The following EFNB1 variants were observed in gnomAD, a reference collection of about 807,000 sequenced individuals.
EFNB1 encodes ephrin B1, also known as ephrin-B1.
A neutral mutation model predicts 18.1 loss-of-function variants in EFNB1; 1 was observed. That is an observed-to-expected ratio of 0.06 (90% CI 0.02 to 0.26). EFNB1 has a LOEUF of 0.26. EFNB1 is among the 10% of genes least tolerant of loss of function. EFNB1 has a pLI of 1.00. For missense variants in EFNB1, 221 were observed against 301.8 expected (o/e 0.73, Z 1.98); for synonymous variants, 131 against 127.5 (o/e 1.03, Z -0.19).
chrX:68,832,857 G>C (rs2080450397), intron 1 of EFNB1, among the ~76,000 whole-genome samples: 1 of 101,740 alleles, frequency 9.8e-6, no homozygotes, highest in African/African-American at 4.1e-5. Context: ...TTGGGGGGCT[G>C]TTATCTAAAT....
chrX:68,838,911 C>T lies in EFNB1; in HGVS notation c.406+17C>T, dbSNP rs1445546971. ...ACATTACCTGTGAGTCCCGCCCATC[C>T]CATCCTCTGGCTCTCTCCCTGGGCT... On this transcript the variant is annotated intron_variant, in intron 2 of 4. Coordinates refer to ENST00000204961, the MANE Select transcript of EFNB1 (RefSeq NM_004429.5). 1 of 1,188,861 alleles carries T rather than the reference C, an allele frequency of 8.4e-7. No individual in the cohort carries two copies. Among genetic ancestry groups the T allele is most frequent in the Non-Finnish European group, 1.1e-6 (1 of 883,325 alleles).
chrX:68,835,289 C>G (rs1184512687), intron 1 of EFNB1, among the ~76,000 whole-genome samples: 1 of 111,146 alleles, frequency 9.0e-6, no homozygotes, highest in African/African-American at 3.3e-5. Flanking sequence ...CATGTCAATC[C>G]CTTTATTTTT....
rs867041132 is a variant in EFNB1, at chrX:68,835,329, C to G, written c.129-3288C>G. 3.6e-5 allele frequency among the ~76,000 whole-genome samples: 4 copies of G among 111,171 alleles called. 1 individual carries two copies. Among genetic ancestry groups the G allele is most frequent in the African/African-American group, 1.3e-4 (4 of 30,535 alleles). On this transcript the variant is annotated intron_variant, in intron 1 of 4. Transcript: ENST00000204961. ...AAAGGGCTTTGTCTGGGGGTGGCCC[C>G]AGACAGAAAAGCTTGGCTTGGTCCT...
intron 1 of EFNB1, 39 bp from the exon 2 acceptor site, chrX:68,838,578 C>T (rs754940451): frequency 8.3e-7 from 1 of 1,208,801 alleles, no homozygotes; most frequent in South Asian, 1.8e-5. Flanking sequence ...TGGGGCCACC[C>T]CCAACCCTGA....
intron 1 of EFNB1, 128 bp from the exon 2 acceptor site, chrX:68,838,489 G>A: frequency 1.3e-6 from 1 of 769,698 alleles, no homozygotes; most frequent in Non-Finnish European, 1.9e-6. Context: ...ATGGAGGAAG[G>A]GCAGAAGGCT....
Position 68,841,993 on chromosome X carries a change from G to A in EFNB1, c.*1339G>A, listed in dbSNP as rs1032612778. 4 of 113,200 alleles carry A rather than the reference G, an allele frequency of 3.5e-5. No homozygotes were observed. Among genetic ancestry groups the A allele is most frequent in the African/African-American group, 1.3e-4 (4 of 31,066 alleles). The allele number at this position is 113,200 out of a possible 1,213,427, so 9.3% of individuals were successfully genotyped here. On this transcript the variant is annotated 3_prime_UTR_variant, in exon 5 of 5. Coordinates refer to ENST00000204961, the MANE Select transcript of EFNB1 (RefSeq NM_004429.5). ...GCAGAACAGCCAGCCCCTTCCAGGT[G>A]GCAGTCGGAAGGGTTTTTGTTTTTG...
intron 1 of EFNB1, among the ~76,000 whole-genome samples, chrX:68,837,145 G>A (rs1024636518): frequency 9.0e-5 from 10 of 111,483 alleles, no homozygotes; most frequent in African/African-American, 2.3e-4. Flanking sequence ...TCTATCACTC[G>A]AGTATGGGTT....
Position 68,829,786 on chromosome X carries a change from C to T in EFNB1, c.10C>T (p.Pro4Ser), listed in dbSNP as rs925572507. The T allele has an allele frequency of 1.3e-5, 15 of 1,191,077 alleles. No homozygotes were observed. Among genetic ancestry groups the T allele is most frequent in the Non-Finnish European group, 1.5e-5 (13 of 885,514 alleles). The change falls in exon 1 of 5, where the codon CCT becomes TCT. Residue 4 changes from proline (P) to serine (S), a missense_variant. By Grantham distance (74) the Pro-to-Ser change is moderately conservative. Transcript: ENST00000204961. ...GTCTGCCCCCGGGAAGATGGCTCGG[C>T]CTGGGCAGCGTTGGCTCGGCAAGTG... MAR[P>S]GQRWLGKWLV...
chrX:68,839,370 C>T (rs1027057394), intron 2 of EFNB1, among the ~76,000 whole-genome samples: 1 of 112,153 alleles, frequency 8.9e-6, no homozygotes, highest in Non-Finnish European at 1.9e-5. Flanking sequence ...TGTAGAAGCC[C>T]CCATTATGAT....
chrX:68,838,694 C>T lies in EFNB1; in HGVS notation c.206C>T (p.Ala69Val), dbSNP rs776085390. Residue 69 changes from alanine (A) to valine (V), a missense_variant, in exon 2 of 5, where the codon GCA (alanine) becomes GTA (valine). Transcript: ENST00000204961. ...KLDIICPRAE[A>V]GRPYEYYKLY... is the part of the protein sequence containing the mutation. ...GACATCATCTGCCCCCGAGCAGAAGCAGGGCGGCCCTATGAGTACTACAAG... is the reference window on the plus strand; with the variant it reads ...GACATCATCTGCCCCCGAGCAGAAGTAGGGCGGCCCTATGAGTACTACAAG... 1 of 1,211,459 alleles carries T rather than the reference C, an allele frequency of 8.3e-7. No homozygotes were observed. The highest frequency in any genetic ancestry group is 3.0e-5 in the East Asian group (1 of 33,825).
At chrX:68,837,326 C>T (rs1004509214) in intron 1 of EFNB1, among the ~76,000 whole-genome samples, 3 of 111,399 alleles carry the variant, frequency 2.7e-5, no homozygotes, top group African/African-American at 6.5e-5. Flanking sequence ...ACATGTTGAA[C>T]GCCTATTGTG....
chrX:68,834,601 A>C (rs1479594030), intron 1 of EFNB1, among the ~76,000 whole-genome samples: 1 of 112,568 alleles, frequency 8.9e-6, no homozygotes, highest in Non-Finnish European at 1.9e-5. Flanking sequence ...AGGAGCCTTT[A>C]ATTTGGGGGC....
chrX:68,829,734 G>A lies in EFNB1; in HGVS notation c.-43G>A. The A allele has an allele frequency of 8.5e-7, 1 of 1,173,577 alleles. No individual in the cohort carries two copies. Among genetic ancestry groups the A allele is most frequent in the Non-Finnish European group, 1.1e-6 (1 of 876,571 alleles). On this transcript the variant is annotated 5_prime_UTR_variant, in exon 1 of 5. Coordinates refer to ENST00000204961, the MANE Select transcript of EFNB1 (RefSeq NM_004429.5). ...AGGAAGGCGAGGCGAGCTTTGGTGAGGAGGCGCCAAGGGATCCCGAAGTGC... is the reference window on the plus strand; with the variant it reads ...AGGAAGGCGAGGCGAGCTTTGGTGAAGAGGCGCCAAGGGATCCCGAAGTGC...
At position 68,838,680 on chromosome X, in the gene EFNB1, C is replaced by T. The variant is rs148907346; in HGVS notation, c.192C>T (p.Cys64=). Residue 64 remains cysteine (C), a synonymous_variant, in exon 2 of 5, where the codon TGC becomes TGT. Coordinates refer to ENST00000204961, the MANE Select transcript of EFNB1 (RefSeq NM_004429.5). ...PKIGDKLDII[C]PRAEAGRPYE... Reference sequence around the variant, plus strand: ...TTGGAGACAAGCTGGACATCATCTGCCCCCGAGCAGAAGCAGGGCGGCCCT... The same window carrying T: ...TTGGAGACAAGCTGGACATCATCTGTCCCCGAGCAGAAGCAGGGCGGCCCT... The T allele has an allele frequency of 1.7e-5, 20 of 1,210,031 alleles. No individual in the cohort carries two copies. Among genetic ancestry groups the T allele is most frequent in the Admixed American group, 4.4e-5 (2 of 45,843 alleles).
chrX:68,840,978 C>A lies in EFNB1; in HGVS notation c.*324C>A. ...CCTGGCCCTGCCCCTCCCTCGCCCC[C>A]CTTGCCACCTTCCCAGGACTGCTTG... On this transcript the variant is annotated 3_prime_UTR_variant, in exon 5 of 5. Coordinates refer to ENST00000204961, the MANE Select transcript of EFNB1 (RefSeq NM_004429.5). The A allele has an allele frequency of 2.9e-6, 1 of 347,938 alleles. No homozygotes were observed. Among genetic ancestry groups the A allele is most frequent in the Non-Finnish European group, 5.1e-6 (1 of 197,770 alleles). 28.7% of individuals were successfully genotyped at this position (347,938 alleles called of 1,213,427 possible).
At chrX:68,838,152 TGTGTGTGTGTGTGTGTGTGTGCGCGC>T (rs1394984540) in intron 1 of EFNB1, among the ~76,000 whole-genome samples, 5 of 48,716 alleles carry the variant, frequency 1.0e-4, no homozygotes, top group African/African-American at 6.3e-4. Context: ...TGTGTGTGTG[TGTGTGTGTGTGTGTGTGTGTGCGCGC>T]GCGCGCGCGC....
At chrX:68,831,894 G>A (rs1416293022) in intron 1 of EFNB1, among the ~76,000 whole-genome samples, 1 of 110,192 alleles carries the variant, frequency 9.1e-6, no homozygotes, top group Non-Finnish European at 1.9e-5. Context: ...AGGATGGGGG[G>A]TGGCTGAAGA....
intron 1 of EFNB1, 92 bp from the exon 2 acceptor site, chrX:68,838,525 G>T (rs1210734758): frequency 7.4e-6 from 8 of 1,087,395 alleles, no homozygotes; most frequent in Non-Finnish European, 1.0e-5. Context: ...CACCCAGTAG[G>T]CCCAGCCCGG....
At position 68,840,821 on chromosome X, in the gene EFNB1, G is replaced by T; in HGVS notation, c.*167G>T. 3.4e-6 allele frequency: 2 copies of T among 584,921 alleles called. No individual in the cohort carries two copies. Among genetic ancestry groups the T allele is most frequent in the South Asian group, 2.8e-5 (1 of 35,441 alleles). The allele number at this position is 584,921 out of a possible 1,213,427, so 48.2% of individuals were successfully genotyped here. A position where few individuals can be genotyped will look rare whatever the true frequency, so the allele number is the denominator to read the frequency against. On this transcript the variant is annotated 3_prime_UTR_variant, in exon 5 of 5. Coordinates refer to ENST00000204961, the MANE Select transcript of EFNB1 (RefSeq NM_004429.5). ...TTTCCCTGCCCCCTGGGCTTCGGAGGGGGGTGCTTGTGCCCCTAACCCCCA... is the reference window on the plus strand; with the variant it reads ...TTTCCCTGCCCCCTGGGCTTCGGAGTGGGGTGCTTGTGCCCCTAACCCCCA...
Sources: allele counts gnomAD v4.1 joint callset (sites outside exome capture counted in the v4.1 genomes callset), GRCh38; gene constraint gnomAD v4.1.1; transcripts MANE v1.5; gene names NCBI Gene and HGNC (gene_info 2026-07-23, HGNC 2026-07-21).